The following CCDC83 variants were observed in gnomAD, a reference collection of about 807,000 sequenced individuals.
CCDC83 encodes the protein coiled-coil domain containing 83.
Under a neutral mutation model 50.1 loss-of-function variants are expected in CCDC83, and 54 were observed. The observed-to-expected ratio is 1.08, with a 90% CI of 0.87 to 1.35. The LOEUF (loss-of-function observed/expected upper bound fraction) is 1.35. CCDC83 is among the 40% of genes most tolerant of loss of function. The pLI, the probability that CCDC83 is intolerant of heterozygous loss-of-function variation, is 0.00. For synonymous variants in CCDC83, 161 were observed against 153.3 expected (o/e 1.05, Z -0.37); for missense variants, 518 against 473.9 (o/e 1.09, Z -0.86).
At chr11:85,874,248 A>G (rs965691988) in intron 3 of CCDC83, among the ~76,000 whole-genome samples, 2 of 152,232 alleles carry the variant, frequency 1.3e-5, no homozygotes, top group African/African-American at 4.8e-5. Flanking sequence ...AATAGGGACT[A>G]AAACAGAAGC....
chr11:85,911,212 TAAAG>T (rs1437326341), intron 7 of CCDC83, 65 bp from the exon 8 acceptor site: 2 of 1,116,836 alleles, frequency 1.8e-6, no homozygotes, highest in Non-Finnish European at 1.2e-6. Flanking sequence ...AAGAAAAAAA[TAAAG>T]AAAAGAAAAC....
At chr11:85,897,973 A>G (rs1250168392) in intron 6 of CCDC83, among the ~76,000 whole-genome samples, 1 of 152,140 alleles carries the variant, frequency 6.6e-6, no homozygotes, top group African/African-American at 2.4e-5. Context: ...CCTGGCCAAC[A>G]TGGTGAAACC....
At chr11:85,891,833 T>C (rs993679424) in intron 5 of CCDC83, among the ~76,000 whole-genome samples, 4 of 152,320 alleles carry the variant, frequency 2.6e-5, no homozygotes, top group African/African-American at 4.8e-5. Flanking sequence ...GGGAAGTTAA[T>C]TGCCCTAACC....
chr11:85,877,078 T>C (rs569678949), intron 3 of CCDC83, among the ~76,000 whole-genome samples: 3 of 152,374 alleles, frequency 2.0e-5, no homozygotes, highest in East Asian at 3.9e-4. Flanking sequence ...TGTCAAATGC[T>C]ATCAGACACA....
chr11:85,910,043 T>C (rs1327069855), intron 7 of CCDC83, among the ~76,000 whole-genome samples: 1 of 152,202 alleles, frequency 6.6e-6, no homozygotes, highest in Admixed American at 6.5e-5. Context: ...AAAATGGTCA[T>C]GCCTTTGCAC....
intron 6 of CCDC83, among the ~76,000 whole-genome samples, chr11:85,897,353 T>C (rs2093380300): frequency 6.6e-6 from 1 of 152,232 alleles, no homozygotes; most frequent in South Asian, 2.1e-4. Context: ...TCACTGCTCC[T>C]AATCACTAAA....
chr11:85,911,176 A>AT, intron 7 of CCDC83, 105 bp from the exon 8 acceptor site: 1 of 173,194 alleles, frequency 5.8e-6, no homozygotes, highest in Non-Finnish European at 1.1e-5. Flanking sequence ...CGTCTCAAAT[A>AT]AAAAAAAAAA....
intron 5 of CCDC83, 39 bp from the exon 6 acceptor site, chr11:85,895,254 T>A: frequency 1.1e-6 from 1 of 903,090 alleles, no homozygotes; most frequent in South Asian, 1.7e-5. Context: ...TTGATAAGGC[T>A]TTTAATTTTC....
chr11:85,875,906 CTCTG>C (rs1427437311), intron 3 of CCDC83, among the ~76,000 whole-genome samples: 6 of 152,200 alleles, frequency 3.9e-5, no homozygotes, highest in African/African-American at 1.2e-4. Flanking sequence ...CCGTAGTTCA[CTCTG>C]TCTACTTCCC....
intron 7 of CCDC83, among the ~76,000 whole-genome samples, chr11:85,908,136 T>C (rs2135125098): frequency 6.6e-6 from 1 of 152,348 alleles, no homozygotes; most frequent in East Asian, 1.9e-4. Flanking sequence ...AAATAATATA[T>C]GCCTTTCTTT....
chr11:85,878,615 A>T (rs1450354916), intron 3 of CCDC83, among the ~76,000 whole-genome samples: 1 of 152,228 alleles, frequency 6.6e-6, no homozygotes, highest in Non-Finnish European at 1.5e-5. Context: ...GTTATTGGAC[A>T]TTTTACATAA....
At position 85,895,264 on chromosome 11, in the gene CCDC83, CTTTTT is replaced by C. The variant is rs10594256; in HGVS notation, c.512-9_512-5del. ...CATGCTTGATAAGGCTTTTAATTTT[CTTTTT>C]TTTTTTTTTTTTTTTTTTTAAAGAA... On this transcript the variant is annotated intron_variant, in intron 5 of 10. Transcript: ENST00000342404. The C allele has an allele frequency of 1.9e-3, 679 of 362,626 alleles. 1 individual carries two copies. The highest frequency in any genetic ancestry group is 0.011 in the African/African-American group (325 of 30,028). 22.5% of individuals were successfully genotyped at this position (362,626 alleles called of 1,614,324 possible).
chr11:85,868,518 G>T (rs2093220229), intron 2 of CCDC83, among the ~76,000 whole-genome samples: 7 of 152,188 alleles, frequency 4.6e-5, no homozygotes, highest in Admixed American at 2.6e-4. Flanking sequence ...GGAATTACAG[G>T]CATGTGCCAC....
intron 1 of CCDC83, among the ~76,000 whole-genome samples, chr11:85,857,545 A>G (rs1391844572): frequency 2.0e-5 from 3 of 152,192 alleles, no homozygotes; most frequent in Admixed American, 1.3e-4. Context: ...AGGCATCTTC[A>G]AGGAGACCAT....
chr11:85,885,123 A>G (rs978543923), intron 4 of CCDC83, among the ~76,000 whole-genome samples: 1 of 152,066 alleles, frequency 6.6e-6, no homozygotes, highest in Non-Finnish European at 1.5e-5. Flanking sequence ...CTGAGGCAGG[A>G]GAATCACTTG....
chr11:85,873,968 G>A (rs1445503), intron 3 of CCDC83, among the ~76,000 whole-genome samples: 21,308 of 151,892 alleles, frequency 0.14, 1,808 homozygotes, highest in Middle Eastern at 0.2. Flanking sequence ...GTTTTATTTT[G>A]GCTTCTGTCT....
chr11:85,886,437 AAAAAG>A, intron 5 of CCDC83, 70 bp downstream of exon 5: 1 of 1,241,304 alleles, frequency 8.1e-7, no homozygotes, highest in Non-Finnish European at 1.1e-6. Flanking sequence ...TGATGGAAGA[AAAAAG>A]TGCATACTCC....
chr11:85,882,488 G>C (rs1158753250), intron 3 of CCDC83, 25 bp from the exon 4 acceptor site: 1 of 1,610,658 alleles, frequency 6.2e-7, no homozygotes, highest in South Asian at 1.1e-5. Flanking sequence ...GATCAAACGT[G>C]AATTACTGTT....
At chr11:85,870,733 C>T (rs557804130) in intron 2 of CCDC83, among the ~76,000 whole-genome samples, 1 of 152,158 alleles carries the variant, frequency 6.6e-6, no homozygotes, top group African/African-American at 2.4e-5. Flanking sequence ...CATTTATGGT[C>T]CTTCTTATAT....
Sources: gnomAD v4.1 joint callset for allele counts (sites outside exome capture counted in the v4.1 genomes callset) on GRCh38, gnomAD v4.1.1 for gene constraint, MANE v1.5 for transcripts, NCBI Gene and HGNC (gene_info 2026-07-23, HGNC 2026-07-21) for gene names.